DIAPH3: variants seen among roughly 807,000 people sequenced by gnomAD.
DIAPH3 encodes the protein protein diaphanous homolog 3.
In DIAPH3, 117 loss-of-function variants were observed where a neutral mutation model predicts 144.3. The observed-to-expected ratio is 0.81, with a 90% CI of 0.70 to 0.95. The LOEUF is 0.95. DIAPH3 is among the 40% of genes least tolerant of loss of function. The pLI, the probability that DIAPH3 is intolerant of heterozygous loss-of-function variation, is 0.00. For missense variants in DIAPH3, 1,421 were observed against 1,412.7 expected, an observed-to-expected ratio of 1.01 and a Z score of -0.09; for synonymous variants, 519 against 488.9, an observed-to-expected ratio of 1.06 and a Z score of -0.81.
intron 22 of DIAPH3, among the ~76,000 whole-genome samples, chr13:59,857,924 A>G (rs2043348896): frequency 6.6e-6 from 1 of 152,142 alleles, no homozygotes; most frequent in African/African-American, 2.4e-5. Context: ...AAGATATCCA[A>G]AGAAGGGGAG....
chr13:59,919,547 C>T (rs905494713), intron 18 of DIAPH3, among the ~76,000 whole-genome samples: 1 of 152,044 alleles, frequency 6.6e-6, no homozygotes, highest in Non-Finnish European at 1.5e-5. Context: ...TCTAAGAATA[C>T]TTTACCGTCA....
intron 22 of DIAPH3, among the ~76,000 whole-genome samples, chr13:59,857,910 A>C (rs10507641): frequency 0.058 from 8,821 of 152,240 alleles, 307 homozygotes; most frequent in Admixed American, 0.1. Context: ...GACAAATGAG[A>C]GAAAAGATAT....
intron 1 of DIAPH3, among the ~76,000 whole-genome samples, chr13:60,134,867 A>T (rs1364497313): frequency 5.3e-5 from 8 of 152,228 alleles, no homozygotes; most frequent in Admixed American, 1.3e-4. Flanking sequence ...CAAATAAAAT[A>T]TTCCCAAAAC....
intron 21 of DIAPH3, among the ~76,000 whole-genome samples, chr13:59,869,586 C>T (rs1329587596): frequency 1.3e-5 from 2 of 152,076 alleles, no homozygotes; most frequent in African/African-American, 2.4e-5. Context: ...TTGTTGTTGA[C>T]GATTAAGGAT....
chr13:60,067,710 T>A (rs1352116478), intron 4 of DIAPH3, among the ~76,000 whole-genome samples: 4 of 152,196 alleles, frequency 2.6e-5, no homozygotes, highest in Admixed American at 2.0e-4. Context: ...ATTACCCTTT[T>A]AATATGGTTT....
intron 4 of DIAPH3, among the ~76,000 whole-genome samples, chr13:60,062,353 G>A (rs2141299977): frequency 6.6e-6 from 1 of 152,062 alleles, no homozygotes; most frequent in East Asian, 1.9e-4. Context: ...ATACAAAAAT[G>A]AACAAAACCT....
intron 27 of DIAPH3, among the ~76,000 whole-genome samples, chr13:59,768,060 G>A (rs1237514964): frequency 6.6e-6 from 1 of 152,082 alleles, no homozygotes; most frequent in East Asian, 1.9e-4. Context: ...GTAAATATAA[G>A]AGACTGATGT....
At chr13:59,705,379 T>A (rs1312036232) in intron 27 of DIAPH3, among the ~76,000 whole-genome samples, 1 of 152,192 alleles carries the variant, frequency 6.6e-6, no homozygotes, top group Non-Finnish European at 1.5e-5. Context: ...AATCTGCCAA[T>A]TTTTCTATAA....
chr13:59,900,650 C>T (rs1333263286), intron 20 of DIAPH3, among the ~76,000 whole-genome samples: 1 of 152,170 alleles, frequency 6.6e-6, no homozygotes, highest in Non-Finnish European at 1.5e-5. Flanking sequence ...CCTTGCCCTT[C>T]ACTGCCTCTT....
At chr13:60,076,196 A>G (rs1477101281) in intron 4 of DIAPH3, among the ~76,000 whole-genome samples, 1 of 152,190 alleles carries the variant, frequency 6.6e-6, no homozygotes, top group African/African-American at 2.4e-5. Context: ...TAAGTTTCCA[A>G]TCTGGGTCTC....
intron 24 of DIAPH3, among the ~76,000 whole-genome samples, chr13:59,821,334 T>C (rs1566362760): frequency 1.3e-5 from 2 of 152,070 alleles, no homozygotes; most frequent in Admixed American, 6.6e-5. Context: ...TTAACCTTAA[T>C]AAAAGGCAAT....
chr13:59,696,075 C>T (rs1373122730), intron 27 of DIAPH3: 1 of 152,132 alleles, frequency 6.6e-6, no homozygotes, highest in Non-Finnish European at 1.5e-5. Context: ...GGATGCAGCT[C>T]TTATCTTTCA....
At chr13:59,929,911 G>T (rs1433504213) in intron 17 of DIAPH3, among the ~76,000 whole-genome samples, 1 of 151,918 alleles carries the variant, frequency 6.6e-6, no homozygotes, top group Middle Eastern at 3.4e-3. Context: ...CAATCCAAAA[G>T]GTCTAAAAAT....
intron 27 of DIAPH3, among the ~76,000 whole-genome samples, chr13:59,756,984 T>A (rs2037312212): frequency 6.6e-6 from 1 of 152,160 alleles, no homozygotes; most frequent in Non-Finnish European, 1.5e-5. Flanking sequence ...GATGACATAG[T>A]TTGCTAAGAA....
At chr13:59,991,765 C>T (rs944009931) in intron 11 of DIAPH3, among the ~76,000 whole-genome samples, 5 of 151,912 alleles carry the variant, frequency 3.3e-5, no homozygotes, top group Middle Eastern at 3.4e-3. Flanking sequence ...CTGCCCTATT[C>T]CTAATGCTAA....
chr13:60,068,632 A>G (rs548626518), intron 4 of DIAPH3, among the ~76,000 whole-genome samples: 22 of 152,198 alleles, frequency 1.4e-4, no homozygotes, highest in African/African-American at 2.9e-4. Context: ...TAGTCTTTCA[A>G]TCCTCACCCT....
chr13:59,822,532 C>T (rs2139646162), intron 24 of DIAPH3, among the ~76,000 whole-genome samples: 1 of 152,228 alleles, frequency 6.6e-6, no homozygotes, highest in Non-Finnish European at 1.5e-5. Context: ...CCTCCGCCTC[C>T]TGGGTTCAAG....
intron 27 of DIAPH3, among the ~76,000 whole-genome samples, chr13:59,721,403 A>G (rs1428426506): frequency 1.3e-5 from 2 of 152,164 alleles, no homozygotes; most frequent in Non-Finnish European, 2.9e-5. Flanking sequence ...CATTTATTGC[A>G]CTGGGATTTT....
intron 3 of DIAPH3, 147 bp from the exon 4 acceptor site, chr13:60,093,879 G>A (rs570569896): frequency 6.5e-5 from 42 of 641,336 alleles, no homozygotes; most frequent in South Asian, 4.4e-4. Context: ...CCTGAAGGAA[G>A]GAGAGAGAAA....
Sources: allele counts gnomAD v4.1 joint callset (sites outside exome capture counted in the v4.1 genomes callset), GRCh38; gene constraint gnomAD v4.1.1; transcripts MANE v1.5; gene names NCBI Gene and HGNC (gene_info 2026-07-23, HGNC 2026-07-21).